Variants in RTL4 observed in about 807,000 individuals in gnomAD.
The protein encoded by RTL4 is retrotransposon Gag like 4, also known as retrotransposon Gag-like protein 4.
RTL4 carries 4 observed loss-of-function variants against 5.3 expected under a neutral mutation model. That is an observed-to-expected ratio of 0.75 (90% confidence interval 0.37 to 1.72). RTL4 has a LOEUF of 1.72. Ranked by LOEUF, RTL4 falls within the 40% of genes most tolerant of loss-of-function variation. The pLI is 0.04. For missense variants in RTL4, 260 were observed against 227.1 expected (o/e 1.14, Z -0.93); for synonymous variants, 98 against 87.3 (o/e 1.12, Z -0.68).
the RTL4 span, among the ~76,000 whole-genome samples, chrX:112,193,458 G>A: frequency 9.0e-6 from 1 of 111,058 alleles, no homozygotes; most frequent in African/African-American, 3.3e-5. Context: ...CTGATGTTTT[G>A]TATGTGATGA....
the RTL4 span, among the ~76,000 whole-genome samples, chrX:112,374,985 T>C: frequency 8.9e-6 from 1 of 111,932 alleles, no homozygotes; most frequent in African/African-American, 3.2e-5. Context: ...CCAGTTATAA[T>C]TTAAATTTCA....
the RTL4 span, among the ~76,000 whole-genome samples, chrX:112,281,802 G>A: frequency 7.2e-5 from 8 of 111,543 alleles, no homozygotes; most frequent in Non-Finnish European, 1.3e-4. Flanking sequence ...TTTGAGAAAT[G>A]TCTATTTGGG....
chrX:112,388,663 A>C, the RTL4 span, among the ~76,000 whole-genome samples: 1 of 112,099 alleles, frequency 8.9e-6, no homozygotes, highest in Non-Finnish European at 1.9e-5. Context: ...GCGTCTATTG[A>C]GATAACTCTG....
chrX:112,204,096 A>G, the RTL4 span, among the ~76,000 whole-genome samples: 1,643 of 112,776 alleles, frequency 0.015, 32 homozygotes, highest in African/African-American at 0.049. Flanking sequence ...ATTGATCATC[A>G]GAGAAATGCA....
At chrX:112,252,457 G>A in the RTL4 span, among the ~76,000 whole-genome samples, 1 of 112,166 alleles carries the variant, frequency 8.9e-6, no homozygotes, top group Non-Finnish European at 1.9e-5. Flanking sequence ...GAAAGTCTAT[G>A]AGAGAGAGAC....
the RTL4 span, among the ~76,000 whole-genome samples, chrX:112,436,427 G>A: frequency 1.6e-4 from 18 of 110,970 alleles, no homozygotes; most frequent in South Asian, 3.8e-4. Context: ...AAGTTCCAGC[G>A]CCTCGCCTTC....
the RTL4 span, among the ~76,000 whole-genome samples, chrX:112,397,371 C>A: frequency 2.7e-5 from 3 of 111,306 alleles, no homozygotes. Context: ...ATATTATTAT[C>A]ATTCTAGGCT....
At chrX:112,238,667 A>G in the RTL4 span, among the ~76,000 whole-genome samples, 1 of 111,665 alleles carries the variant, frequency 9.0e-6, no homozygotes, top group African/African-American at 3.3e-5. Flanking sequence ...TCGGGACTTG[A>G]GGAACAACAC....
the RTL4 span, among the ~76,000 whole-genome samples, chrX:112,320,646 A>T: frequency 9.0e-6 from 1 of 111,423 alleles, no homozygotes; most frequent in African/African-American, 3.3e-5. Flanking sequence ...AAGCTACTCA[A>T]ATTTGTTAGT....
the RTL4 span, among the ~76,000 whole-genome samples, chrX:112,180,709 A>C: frequency 8.9e-6 from 1 of 112,021 alleles, no homozygotes; most frequent in Non-Finnish European, 1.9e-5. Context: ...TATAAGAGGA[A>C]TACCTTTTCC....
chrX:112,370,264 A>C, the RTL4 span, among the ~76,000 whole-genome samples: 50 of 111,014 alleles, frequency 4.5e-4, no homozygotes, highest in Admixed American at 2.8e-3. Flanking sequence ...TTTTTTGTGG[A>C]GTGATCATAG....
the RTL4 span, among the ~76,000 whole-genome samples, chrX:112,380,808 C>A: frequency 9.0e-6 from 1 of 111,670 alleles, no homozygotes; most frequent in Admixed American, 9.4e-5. Flanking sequence ...GCGGAGCAAG[C>A]GAGACGAAGG....
At chrX:112,269,249 G>A in the RTL4 span, among the ~76,000 whole-genome samples, 5 of 112,112 alleles carry the variant, frequency 4.5e-5, no homozygotes, top group East Asian at 1.1e-3. Context: ...GTAATGCAGA[G>A]TGATTTATAG....
exon 1 of RTL4, chrX:112,455,117 T>C: frequency 8.3e-7 from 1 of 1,211,985 alleles, no homozygotes; most frequent in Non-Finnish European, 1.1e-6. Flanking sequence ...AATCTTATTC[T>C]TGAGTTCCAG....
At chrX:112,100,392 G>T in the RTL4 span, among the ~76,000 whole-genome samples, 1 of 111,662 alleles carries the variant, frequency 9.0e-6, no homozygotes, top group African/African-American at 3.2e-5. Context: ...GAAAATGAGG[G>T]TTATTTTTTA....
chrX:112,403,304 T>A, the RTL4 span, among the ~76,000 whole-genome samples: 2 of 112,098 alleles, frequency 1.8e-5, no homozygotes, highest in Non-Finnish European at 3.8e-5. Flanking sequence ...TCACCCACAA[T>A]CAGGTGTTTC....
At chrX:112,444,524 T>C in the RTL4 span, among the ~76,000 whole-genome samples, 6 of 112,055 alleles carry the variant, frequency 5.4e-5, no homozygotes, top group Non-Finnish European at 9.4e-5. Flanking sequence ...ATCTATACAT[T>C]GCTTTGGGTA....
At chrX:112,352,662 C>G in the RTL4 span, among the ~76,000 whole-genome samples, 1 of 110,019 alleles carries the variant, frequency 9.1e-6, no homozygotes, top group Non-Finnish European at 1.9e-5. Context: ...CTTCCTTACA[C>G]CTTATACAAA....
At chrX:112,407,354 G>A in the RTL4 span, among the ~76,000 whole-genome samples, 3,117 of 111,281 alleles carry the variant, frequency 0.028, 115 homozygotes, top group African/African-American at 0.095. Context: ...AACATTGGTG[G>A]TAGTCTGGTA....
Sources: allele counts gnomAD v4.1 joint callset (sites outside exome capture counted in the v4.1 genomes callset), GRCh38; gene constraint gnomAD v4.1.1; transcripts MANE v1.5; gene names NCBI Gene and HGNC (gene_info 2026-07-23, HGNC 2026-07-21).